ADCY7: variants seen among roughly 807,000 people sequenced by gnomAD.
ADCY7 encodes adenylate cyclase type 7.
Under a neutral mutation model 120.6 loss-of-function variants are expected in ADCY7, and 72 were observed. The observed-to-expected ratio is 0.60, with a 90% CI of 0.49 to 0.73. The LOEUF is 0.73. Ranked by LOEUF, ADCY7 falls within the 30% of genes least tolerant of loss-of-function variation. The pLI is 0.00. For synonymous variants in ADCY7, 661 were observed against 628.0 expected (o/e 1.05, Z -0.78); for missense variants, 1,227 against 1,486.0 (o/e 0.83, Z 2.87).
chr16:50,256,794 G>A (rs1486286175), intron 1 of ADCY7, among the ~76,000 whole-genome samples: 5 of 152,172 alleles, frequency 3.3e-5, no homozygotes, highest in African/African-American at 4.8e-5. Flanking sequence ...ATGGAAAATA[G>A]TAGGAACCTC....
At position 50,315,818 on chromosome 16, in the gene ADCY7, G is replaced by C; in HGVS notation, c.*313G>C. 3.4e-6 allele frequency: 1 copy of C among 291,154 alleles called. No individual in the cohort carries two copies. Among genetic ancestry groups the C allele is most frequent in the Non-Finnish European group, 6.7e-6 (1 of 148,478 alleles). The allele number at this position is 291,154 out of a possible 1,614,324, so 18.0% of individuals were successfully genotyped here. A position where few individuals can be genotyped will look rare whatever the true frequency, so the allele number is the denominator to read the frequency against. ...CTTTGTTCCCTGAGGTGCCAGGCAG[G>C]CAACTTTAGCACATGATGAAAACAG... On this transcript the variant is annotated 3_prime_UTR_variant, in exon 26 of 26. Coordinates refer to ENST00000673801, the MANE Select transcript of ADCY7 (RefSeq NM_001114.5).
chr16:50,296,142 T>C (rs1485948382), intron 7 of ADCY7, among the ~76,000 whole-genome samples: 1 of 152,204 alleles, frequency 6.6e-6, no homozygotes, highest in African/African-American at 2.4e-5. Context: ...AGCCTCAACC[T>C]GCCTGGGCTC....
intron 1 of ADCY7, among the ~76,000 whole-genome samples, chr16:50,255,295 A>AAT (rs1346818689): frequency 8.5e-4 from 126 of 148,444 alleles, no homozygotes; most frequent in African/African-American, 1.8e-3. Flanking sequence ...AGCCAATTAA[A>AAT]ATATATATAT....
chr16:50,314,957 G>C, intron 24 of ADCY7, 57 bp from the exon 25 acceptor site: 2 of 1,605,300 alleles, frequency 1.2e-6, no homozygotes, highest in Non-Finnish European at 1.7e-6. Context: ...CCTCCTCTAA[G>C]GGCAGAAGCT....
intron 1 of ADCY7, among the ~76,000 whole-genome samples, chr16:50,258,506 G>A (rs984726219): frequency 2.0e-5 from 2 of 99,106 alleles, no homozygotes; most frequent in Non-Finnish European, 4.0e-5. Context: ...CATTGGAGAT[G>A]CTATTGGAAA....
At position 50,308,939 on chromosome 16, in the gene ADCY7, T is replaced by G; in HGVS notation, c.2061+147T>G. The G allele has an allele frequency of 1.0e-5, 10 of 960,216 alleles. No individual in the cohort carries two copies. In the South Asian group the frequency reaches 1.9e-4, roughly 18 times the overall value. The allele number at this position is 960,216 out of a possible 1,614,324, so 59.5% of individuals were successfully genotyped here. On this transcript the variant is annotated intron_variant, in intron 17 of 25. Transcript: ENST00000673801. ...ATGTGGGGGGTTCCCCTTTGTACAC[T>G]CAGGGCTCCTCACCTTTGGGTTCTC...
chr16:50,261,568 G>A (rs940823797), upstream of ADCY7, among the ~76,000 whole-genome samples: 7 of 152,152 alleles, frequency 4.6e-5, no homozygotes, highest in Admixed American at 4.6e-4. Context: ...AGAACGCCTG[G>A]CTGGCCTCCT....
intron 8 of ADCY7, among the ~76,000 whole-genome samples, chr16:50,300,457 T>C (rs1471661671): frequency 1.3e-5 from 2 of 152,206 alleles, no homozygotes; most frequent in Non-Finnish European, 2.9e-5. Flanking sequence ...ACATGGGCTG[T>C]AGTGACTAGT....
upstream of ADCY7, among the ~76,000 whole-genome samples, chr16:50,263,804 A>G (rs2033120855): frequency 6.6e-6 from 1 of 150,566 alleles, no homozygotes; most frequent in African/African-American, 2.4e-5. Context: ...GGCCCCCGAT[A>G]TCTCCCCCAG....
At chr16:50,310,901 GTCCCCA>G (rs368448094) in intron 19 of ADCY7, 21 bp downstream of exon 19, 68 of 1,560,348 alleles carry the variant, frequency 4.4e-5, no homozygotes, top group Admixed American at 4.3e-4. Context: ...GCCCGTCCCC[GTCCCCA>G]TCCCCATGGT....
At chr16:50,287,257 T>G (rs979581660) in intron 1 of ADCY7, among the ~76,000 whole-genome samples, 2 of 151,944 alleles carry the variant, frequency 1.3e-5, no homozygotes, top group Admixed American at 6.5e-5. Flanking sequence ...TCAGGTGATC[T>G]GCCTGCCTCG....
chr16:50,267,920 TTGTC>T (rs2033322680), intron 1 of ADCY7, among the ~76,000 whole-genome samples: 1 of 151,932 alleles, frequency 6.6e-6, no homozygotes, highest in Non-Finnish European at 1.5e-5. Flanking sequence ...TCCCACCCAG[TTGTC>T]TGTCTTCCCA....
At chr16:50,287,303 C>A (rs2034642379) in intron 1 of ADCY7, among the ~76,000 whole-genome samples, 1 of 151,732 alleles carries the variant, frequency 6.6e-6, no homozygotes, top group African/African-American at 2.4e-5. Context: ...GCATGAGCCA[C>A]CATGCCTGGC....
At chr16:50,253,221 G>A (rs1425070219) in intron 1 of ADCY7, among the ~76,000 whole-genome samples, 1 of 152,188 alleles carries the variant, frequency 6.6e-6, no homozygotes, top group Non-Finnish European at 1.5e-5. Context: ...TGTTTCTTTA[G>A]GGTAAATTAA....
chr16:50,298,086 G>A (rs945656455), intron 7 of ADCY7, among the ~76,000 whole-genome samples: 4 of 151,838 alleles, frequency 2.6e-5, no homozygotes, highest in Admixed American at 6.6e-5. Flanking sequence ...CACCCTCGCC[G>A]CTCTCCTACT....
chr16:50,255,402 G>GGAAAAAAAAA (rs368044444), intron 1 of ADCY7, among the ~76,000 whole-genome samples: 5 of 108,136 alleles, frequency 4.6e-5, no homozygotes, highest in African/African-American at 1.5e-4. Flanking sequence ...TCTGTTTCTG[G>GGAAAAAAAAA]AAAAAAAAAA....
intron 8 of ADCY7, among the ~76,000 whole-genome samples, chr16:50,299,666 G>C (rs2035589184): frequency 6.6e-6 from 1 of 152,252 alleles, no homozygotes; most frequent in Admixed American, 6.5e-5. Context: ...GCCATAGGTG[G>C]CTGGTGTTGC....
At chr16:50,257,770 A>G (rs1346345363) in intron 1 of ADCY7, among the ~76,000 whole-genome samples, 1 of 151,002 alleles carries the variant, frequency 6.6e-6, no homozygotes, top group Non-Finnish European at 1.5e-5. Context: ...TTTTTGAGAC[A>G]GGGTGTCTGT....
At chr16:50,313,621 C>A (rs2036610880) in intron 22 of ADCY7, 1 of 277,972 alleles carries the variant, frequency 3.6e-6, no homozygotes, top group East Asian at 6.8e-5. Flanking sequence ...CGCTATCAAC[C>A]AAGCCAAACA....
Sources: allele counts gnomAD v4.1 joint callset (sites outside exome capture counted in the v4.1 genomes callset), GRCh38; gene constraint gnomAD v4.1.1; transcripts MANE v1.5; gene names NCBI Gene and HGNC (gene_info 2026-07-23, HGNC 2026-07-21).